The following RBFOX1 variants were observed in gnomAD, a reference collection of about 807,000 sequenced individuals.
RBFOX1 encodes the protein RNA binding protein fox-1 homolog 1.
Under a neutral mutation model 57.7 loss-of-function variants are expected in RBFOX1, and 8 were observed. The observed-to-expected ratio is 0.14, with a 90% confidence interval of 0.08 to 0.25. The LOEUF is 0.25. Among genes scored for constraint, RBFOX1 ranks in the 10% least tolerant of loss-of-function variants. RBFOX1 has a pLI of 1.00. For missense variants in RBFOX1, 611 were observed against 548.5 expected, an observed-to-expected ratio of 1.11 and a Z score of -1.14; for synonymous variants, 326 against 222.4, an observed-to-expected ratio of 1.47 and a Z score of -4.15.
At chr16:5,612,208 C>T (rs1007689205) in intron 3 of RBFOX1, among the ~76,000 whole-genome samples, 9 of 81,376 alleles carry the variant, frequency 1.1e-4, no homozygotes, top group African/African-American at 4.2e-4. Flanking sequence ...TTCTCCCCTC[C>T]ACTCTCATTC....
chr16:7,160,012 C>G (rs2077967844), intron 4 of RBFOX1, among the ~76,000 whole-genome samples: 1 of 152,100 alleles, frequency 6.6e-6, no homozygotes, highest in Non-Finnish European at 1.5e-5. Context: ...GTTTTCTTGA[C>G]ATATCTAAGC....
intron 4 of RBFOX1, among the ~76,000 whole-genome samples, chr16:7,357,458 ACTTT>A (rs1255079273): frequency 1.3e-5 from 2 of 152,100 alleles, no homozygotes; most frequent in Non-Finnish European, 2.9e-5. Context: ...GGTTTTTTCC[ACTTT>A]CTTTGGCCTC....
intron 4 of RBFOX1, among the ~76,000 whole-genome samples, chr16:7,233,440 A>G (rs1278450907): frequency 1.3e-5 from 2 of 152,142 alleles, no homozygotes; most frequent in African/African-American, 4.8e-5. Flanking sequence ...TCTCTTATTC[A>G]TGAAGGCAGC....
chr16:5,661,503 G>T (rs2049649461), intron 3 of RBFOX1, among the ~76,000 whole-genome samples: 1 of 152,136 alleles, frequency 6.6e-6, no homozygotes, highest in South Asian at 2.1e-4. Context: ...GATTTTCCCA[G>T]TTGTCTCACA....
chr16:6,820,627 C>A (rs12919350), intron 3 of RBFOX1, among the ~76,000 whole-genome samples: 18,447 of 151,948 alleles, frequency 0.12, 1,336 homozygotes, highest in Non-Finnish European at 0.17. Context: ...CTACTACAGT[C>A]CAGCCTGAGT....
intron 3 of RBFOX1, among the ~76,000 whole-genome samples, chr16:6,837,981 C>A (rs2093222269): frequency 6.6e-6 from 1 of 150,908 alleles, no homozygotes; most frequent in South Asian, 2.1e-4. Flanking sequence ...CACCCCTTTC[C>A]ATGGCAATAC....
intron 3 of RBFOX1, among the ~76,000 whole-genome samples, chr16:5,620,759 G>T (rs1230400381): frequency 6.6e-6 from 1 of 152,156 alleles, no homozygotes; most frequent in Non-Finnish European, 1.5e-5. Context: ...GCTTGCTGCA[G>T]CCTTGACTTC....
At chr16:6,630,536 C>G (rs2098371350) in intron 2 of RBFOX1, among the ~76,000 whole-genome samples, 1 of 152,076 alleles carries the variant, frequency 6.6e-6, no homozygotes, top group African/African-American at 2.4e-5. Context: ...ATGAGGTAAG[C>G]ACTATTCATA....
At chr16:6,470,723 A>G (rs1204614150) in intron 2 of RBFOX1, among the ~76,000 whole-genome samples, 1 of 152,162 alleles carries the variant, frequency 6.6e-6, no homozygotes, top group Non-Finnish European at 1.5e-5. Context: ...ACCACCATTT[A>G]GTCAATAACT....
chr16:7,525,027 C>G (rs911705965), intron 5 of RBFOX1, among the ~76,000 whole-genome samples: 1 of 152,202 alleles, frequency 6.6e-6, no homozygotes, highest in Non-Finnish European at 1.5e-5. Flanking sequence ...TTCTTAGTCT[C>G]TGTGCCAGAA....
At chr16:6,992,377 C>T (rs1490394576) in intron 3 of RBFOX1, among the ~76,000 whole-genome samples, 5 of 152,024 alleles carry the variant, frequency 3.3e-5, no homozygotes, top group Non-Finnish European at 5.9e-5. Flanking sequence ...ACCACCATGC[C>T]CAGCTAATTT....
intron 2 of RBFOX1, among the ~76,000 whole-genome samples, chr16:5,563,573 G>T (rs974728636): frequency 6.6e-6 from 1 of 152,208 alleles, no homozygotes; most frequent in African/African-American, 2.4e-5. Context: ...CAAATTTGAT[G>T]CTGTTGAGTT....
At chr16:5,320,810 C>G (rs957676751) in intron 1 of RBFOX1, among the ~76,000 whole-genome samples, 1 of 152,120 alleles carries the variant, frequency 6.6e-6, no homozygotes, top group Non-Finnish European at 1.5e-5. Flanking sequence ...CTGGGGGCTC[C>G]AGGGAGTTTC....
At chr16:6,247,326 C>T (rs1458110927) in intron 1 of RBFOX1, among the ~76,000 whole-genome samples, 1 of 152,168 alleles carries the variant, frequency 6.6e-6, no homozygotes, top group African/African-American at 2.4e-5. Flanking sequence ...TCTTGAATCA[C>T]GTGGTCTCTT....
In RBFOX1 at chr16:7,473,097, G is replaced by A. The variant is rs148083168; in HGVS notation, c.28-45050G>A. On this transcript the variant is annotated intron_variant, in intron 4 of 15. Coordinates refer to ENST00000550418, the MANE Select transcript of RBFOX1 (RefSeq NM_018723.4). ...ATAGCATTAGATTAAAAGGATCTCC[G>A]CTAGGTGCAGTGGCTCATGCCTGTA... is the stretch of plus-strand genomic sequence containing the variant. 1.9e-3 allele frequency among the ~76,000 whole-genome samples: 295 copies of A among 152,246 alleles called. 1 individual carries two copies. Among genetic ancestry groups the A allele is most frequent in the Non-Finnish European group, 3.4e-3 (228 of 68,022 alleles).
At chr16:6,649,457 A>C (rs1293793227) in intron 2 of RBFOX1, among the ~76,000 whole-genome samples, 1 of 152,038 alleles carries the variant, frequency 6.6e-6, no homozygotes, top group East Asian at 1.9e-4. Context: ...ATTTTAATGC[A>C]CCCATCACCC....
At chr16:7,536,011 T>G (rs927405673) in intron 5 of RBFOX1, among the ~76,000 whole-genome samples, 1 of 152,146 alleles carries the variant, frequency 6.6e-6, no homozygotes, top group Admixed American at 6.5e-5. Context: ...GAATGTACAG[T>G]CTACCGTAAC....
intron 1 of RBFOX1, among the ~76,000 whole-genome samples, chr16:6,137,616 T>C (rs2096676701): frequency 6.9e-6 from 1 of 144,404 alleles, no homozygotes; most frequent in Admixed American, 6.9e-5. Flanking sequence ...ATTTTTTTTT[T>C]TTTTTTTTTT....
chr16:6,487,701 ATATATATATATATATATATATATATAT>A (rs2095532511), intron 2 of RBFOX1, among the ~76,000 whole-genome samples: 3 of 4,512 alleles, frequency 6.6e-4, no homozygotes, highest in Admixed American at 9.3e-3. Flanking sequence ...AAAAAAAAAA[ATATATATATATATATATATATATATAT>A]ATATATATAT....
Sources: gnomAD v4.1 joint callset for allele counts (sites outside exome capture counted in the v4.1 genomes callset) on GRCh38, gnomAD v4.1.1 for gene constraint, MANE v1.5 for transcripts, NCBI Gene and HGNC (gene_info 2026-07-23, HGNC 2026-07-21) for gene names.